Variants in PSMC6 observed in about 807,000 individuals in gnomAD.
PSMC6 encodes the protein proteasome 26S subunit, ATPase 6, also known as 26S proteasome regulatory subunit 10B.
PSMC6 carries 3 observed loss-of-function variants against 55.9 expected under a neutral mutation model. That is an observed-to-expected ratio of 0.05 (90% CI 0.02 to 0.14). The LOEUF (loss-of-function observed/expected upper bound fraction) is 0.14, where lower values mean the gene tolerates loss of function less well. PSMC6 is among the 10% of genes least tolerant of loss of function. The pLI is 1.00. For missense variants in PSMC6, 210 were observed against 478.7 expected (o/e 0.44, Z 5.24); for synonymous variants, 137 against 155.9 (o/e 0.88, Z 0.90).
At chr14:52,717,054 C>G (rs1226689454) in intron 7 of PSMC6, among the ~76,000 whole-genome samples, 3 of 152,090 alleles carry the variant, frequency 2.0e-5, no homozygotes, top group Non-Finnish European at 4.4e-5. Context: ...GGAATAAGTT[C>G]TAGGTGACAT....
chr14:52,710,792 A>T, intron 4 of PSMC6: 2 of 348,554 alleles, frequency 5.7e-6, no homozygotes, highest in South Asian at 6.0e-5. Context: ...TCACTAAGGG[A>T]TTTTTCTATA....
chr14:52,711,802 A>G (rs2041776001), intron 6 of PSMC6, among the ~76,000 whole-genome samples: 2 of 152,212 alleles, frequency 1.3e-5, no homozygotes, highest in Admixed American at 1.3e-4. Context: ...GTAATCTGAT[A>G]TCCTGTGGTT....
chr14:52,710,435 CA>C lies in PSMC6; in HGVS notation c.259-656del, dbSNP rs1280976950. ...CAGAGTGAGACTCCGTACTCCATCTCAAAAAAAAAAGTAACTTTATCTTTGA... is the reference window on the plus strand; with the variant it reads ...CAGAGTGAGACTCCGTACTCCATCTCAAAAAAAAAGTAACTTTATCTTTGA... On this transcript the variant is annotated intron_variant, in intron 4 of 13. Transcript: ENST00000445930. 10 of 145,618 alleles carry C rather than the reference CA, an allele frequency of 6.9e-5. No homozygotes were observed. In the South Asian group the frequency reaches 1.1e-3, roughly 16 times the overall value. 9.0% of individuals were successfully genotyped at this position (145,618 alleles called of 1,614,324 possible).
chr14:52,716,713 A>G (rs921996872), intron 7 of PSMC6, among the ~76,000 whole-genome samples: 1 of 152,100 alleles, frequency 6.6e-6, no homozygotes, highest in African/African-American at 2.4e-5. Flanking sequence ...AGATCATGCC[A>G]TTGCACTCCA....
intron 4 of PSMC6, 44 bp from the exon 5 acceptor site, chr14:52,711,057 C>A (rs537945289): frequency 6.3e-6 from 7 of 1,105,140 alleles, no homozygotes; most frequent in South Asian, 1.3e-5. Context: ...AGTGTTATTC[C>A]GTTTTTAAGT....
chr14:52,720,477 A>G (rs1026631831), intron 10 of PSMC6, among the ~76,000 whole-genome samples: 1 of 151,706 alleles, frequency 6.6e-6, no homozygotes, highest in African/African-American at 2.4e-5. Flanking sequence ...GACATATCAT[A>G]AGCACTTTAT....
intron 7 of PSMC6, 107 bp downstream of exon 7, chr14:52,714,075 C>A: frequency 1.4e-6 from 1 of 713,016 alleles, no homozygotes; most frequent in Non-Finnish European, 2.2e-6. Context: ...CGGTCTCACT[C>A]TGTTGCCCAG....
In PSMC6 at chr14:52,712,822, G is replaced by T. The variant is rs570121579; in HGVS notation, c.442-1059G>T. Among the ~76,000 whole-genome samples the T allele has an allele frequency of 1.2e-4, 19 of 152,158 alleles. No homozygotes were observed. In the East Asian group the frequency reaches 3.7e-3, roughly 30 times the overall value. On this transcript the variant is annotated intron_variant, in intron 6 of 13. Transcript: ENST00000445930. ...TGTAGAGATGGGGTTTCACCATGTT[G>T]TCCAGGCTCTTCTCGAACTCCTGAA...
rs566515854 is a variant in PSMC6 at position 52,707,530 on chromosome 14, G to A, written c.85+226G>A. 7.9e-4 allele frequency: 430 copies of A among 541,338 alleles called. 2 individuals are homozygous for A. Among genetic ancestry groups the A allele is most frequent in the Non-Finnish European group, 1.1e-3 (347 of 310,606 alleles). 33.5% of individuals were successfully genotyped at this position (541,338 alleles called of 1,614,324 possible). ...GTGACAGAACATCGGCGGCCTTGAG[G>A]TGAAAATGAAAAAGAAGTAGAGGAG... On this transcript the variant is annotated intron_variant, in intron 1 of 13. Coordinates refer to ENST00000445930, the MANE Select transcript of PSMC6 (RefSeq NM_002806.5).
chr14:52,718,926 GT>G, intron 9 of PSMC6, 50 bp from the exon 10 acceptor site: 1 of 1,371,136 alleles, frequency 7.3e-7, no homozygotes, highest in Non-Finnish European at 1.0e-6. Flanking sequence ...TTAAATGATG[GT>G]TGTAGAGGAA....
At chr14:52,713,763 A>G (rs2041800176) in intron 6 of PSMC6, 118 bp from the exon 7 acceptor site, 1 of 571,330 alleles carries the variant, frequency 1.8e-6, no homozygotes. Context: ...ATGGAAGTCT[A>G]GGTCTATTAA....
chr14:52,709,412 G>T (rs1302251348), intron 4 of PSMC6, among the ~76,000 whole-genome samples: 4 of 152,050 alleles, frequency 2.6e-5, no homozygotes, highest in Non-Finnish European at 5.9e-5. Context: ...GTCATTTCAG[G>T]TTCAGGTTTT....
intron 4 of PSMC6, chr14:52,710,515 A>G (rs1464729336): frequency 6.5e-6 from 1 of 152,728 alleles, no homozygotes; most frequent in Non-Finnish European, 1.5e-5. Context: ...AATTTTAGCC[A>G]GATAAGCCAA....
chr14:52,725,355 C>CT (rs1241952524), intron 13 of PSMC6, among the ~76,000 whole-genome samples: 1 of 151,946 alleles, frequency 6.6e-6, no homozygotes, highest in East Asian at 1.9e-4. Context: ...AATTGTAGTT[C>CT]TTTTTTAACT....
At chr14:52,714,439 G>C (rs1186693166) in intron 7 of PSMC6, among the ~76,000 whole-genome samples, 2 of 152,172 alleles carry the variant, frequency 1.3e-5, no homozygotes, top group Non-Finnish European at 2.9e-5. Flanking sequence ...GGCATGCTTA[G>C]TGCATTTGTG....
intron 9 of PSMC6, 131 bp downstream of exon 9, chr14:52,718,483 C>T (rs2041854493): frequency 9.6e-7 from 1 of 1,046,340 alleles, no homozygotes; most frequent in Non-Finnish European, 1.4e-6. Context: ...TTAGTTTAAC[C>T]AATTTTAATA....
At chr14:52,726,830 CG>C (rs1566662914) in intron 13 of PSMC6, among the ~76,000 whole-genome samples, 1 of 151,652 alleles carries the variant, frequency 6.6e-6, no homozygotes, top group East Asian at 1.9e-4. Flanking sequence ...TTAGTAGAAA[CG>C]GGGTTTTACC....
At position 52,727,392 on chromosome 14, in the gene PSMC6, A is replaced by T. The variant is rs1049570664; in HGVS notation, c.1052-107A>T. ...AATTACAACTACTGGCTCAGAAGTAATAAATCTAAGCTTCACATTTATTCC... is the reference window on the plus strand; with the variant it reads ...AATTACAACTACTGGCTCAGAAGTATTAAATCTAAGCTTCACATTTATTCC... On this transcript the variant is annotated intron_variant, in intron 13 of 13. Coordinates refer to ENST00000445930, the MANE Select transcript of PSMC6 (RefSeq NM_002806.5). 12 of 775,162 alleles carry T rather than the reference A, an allele frequency of 1.5e-5. No individual in the cohort carries two copies. In the African/African-American group the frequency reaches 2.0e-4, roughly 13 times the overall value. 48.0% of individuals were successfully genotyped at this position (775,162 alleles called of 1,614,324 possible).
chr14:52,708,192 G>T (rs1482849325), intron 1 of PSMC6, 117 bp from the exon 2 acceptor site: 3 of 805,126 alleles, frequency 3.7e-6, no homozygotes, highest in Non-Finnish European at 6.1e-6. Context: ...TTGAAACAGT[G>T]GATGTGAAAC....
Sources: gnomAD v4.1 joint callset for allele counts (sites outside exome capture counted in the v4.1 genomes callset) on GRCh38, gnomAD v4.1.1 for gene constraint, MANE v1.5 for transcripts, NCBI Gene and HGNC (gene_info 2026-07-23, HGNC 2026-07-21) for gene names.